The following RIMS2 variants were observed in gnomAD, a reference collection of about 807,000 sequenced individuals.
RIMS2 encodes regulating synaptic membrane exocytosis 2.
In RIMS2, 59 loss-of-function variants were observed where a neutral mutation model predicts 174.4. The ratio of observed to expected loss-of-function variants is 0.34; its 90% confidence interval spans 0.27 to 0.42. The LOEUF is 0.42. Ranked by LOEUF, RIMS2 falls within the 10% of genes least tolerant of loss-of-function variation. The probability of loss-of-function intolerance (pLI) is 1.00; values close to 1 mark genes in which losing one functional copy is unlikely to be tolerated. For synonymous variants in RIMS2, 606 were observed against 572.5 expected (o/e 1.06, Z -0.84); for missense variants, 1,620 against 1,666.3 (o/e 0.97, Z 0.48).
intron 19 of RIMS2, among the ~76,000 whole-genome samples, chr8:104,201,277 TG>T (rs1189495235): frequency 2.6e-5 from 4 of 152,210 alleles, no homozygotes; most frequent in Non-Finnish European, 5.9e-5. Context: ...TTATTCTTTT[TG>T]TGGGAAATTT....
At chr8:103,647,505 CT>C (rs1190815957) in intron 1 of RIMS2, among the ~76,000 whole-genome samples, 1 of 152,060 alleles carries the variant, frequency 6.6e-6, no homozygotes, top group African/African-American at 2.4e-5. Context: ...ATGGTACCAG[CT>C]TTTATTTGTA....
At chr8:104,225,727 A>C (rs183573134) in intron 19 of RIMS2, among the ~76,000 whole-genome samples, 3 of 152,212 alleles carry the variant, frequency 2.0e-5, no homozygotes, top group African/African-American at 7.2e-5. Context: ...ACAGATTTCT[A>C]TCCCATAATA....
At chr8:104,107,927 C>A (rs183054745) in intron 19 of RIMS2, among the ~76,000 whole-genome samples, 139 of 151,638 alleles carry the variant, frequency 9.2e-4, no homozygotes, top group African/African-American at 3.3e-3. Flanking sequence ...GATCCTGTCT[C>A]AATAAATAAT....
At chr8:103,736,933 A>T (rs1359709570) in intron 2 of RIMS2, among the ~76,000 whole-genome samples, 1 of 152,104 alleles carries the variant, frequency 6.6e-6, no homozygotes, top group Non-Finnish European at 1.5e-5. Context: ...CATCTATTTT[A>T]TCTGTAGTAT....
intron 19 of RIMS2, among the ~76,000 whole-genome samples, chr8:104,072,381 A>G (rs74307468): frequency 0.017 from 2,658 of 152,206 alleles, 135 homozygotes; most frequent in East Asian, 0.15. Context: ...CTACTGAGCT[A>G]TGTGTTTTAA....
At chr8:103,560,781 A>G (rs2091458019) in intron 1 of RIMS2, among the ~76,000 whole-genome samples, 1 of 152,224 alleles carries the variant, frequency 6.6e-6, no homozygotes, top group Admixed American at 6.5e-5. Context: ...CAAATCTCTT[A>G]ATCAAAAATG....
chr8:103,750,414 T>C (rs1306659460), intron 2 of RIMS2, among the ~76,000 whole-genome samples: 2 of 152,160 alleles, frequency 1.3e-5, no homozygotes, highest in East Asian at 1.9e-4. Flanking sequence ...ATGCTTAAAT[T>C]ACAAAATTAT....
chr8:103,573,109 G>A (rs2092955701), intron 1 of RIMS2, among the ~76,000 whole-genome samples: 2 of 152,020 alleles, frequency 1.3e-5, no homozygotes, highest in Non-Finnish European at 2.9e-5. Context: ...GTCCAGGCTG[G>A]ATGTGGTGGT....
intron 1 of RIMS2, among the ~76,000 whole-genome samples, chr8:103,641,342 C>T (rs2096225508): frequency 6.6e-6 from 1 of 152,036 alleles, no homozygotes; most frequent in Non-Finnish European, 1.5e-5. Flanking sequence ...TTGGGATGCT[C>T]ATCACCTTAA....
At chr8:103,916,723 A>C (rs1293510343) in intron 8 of RIMS2, among the ~76,000 whole-genome samples, 186 bp downstream of exon 11, 1 of 152,138 alleles carries the variant, frequency 6.6e-6, no homozygotes, top group East Asian at 1.9e-4. Flanking sequence ...GATCATATAG[A>C]TGGTAGAATA....
intron 3 of RIMS2, among the ~76,000 whole-genome samples, chr8:103,796,651 A>G (rs1342169258): frequency 2.0e-5 from 3 of 152,086 alleles, no homozygotes; most frequent in African/African-American, 7.2e-5. Context: ...CTAGAATTCT[A>G]TTCTAGCTAT....
chr8:103,574,473 T>C (rs2093063947), intron 1 of RIMS2, among the ~76,000 whole-genome samples: 1 of 152,186 alleles, frequency 6.6e-6, no homozygotes. Context: ...GTTGACTTGC[T>C]CTTATTTTTA....
rs369021322 is a variant in RIMS2 at position 103,583,664 on chromosome 8, GAAGA to G, written c.176+82608_176+82611del. Among the ~76,000 whole-genome samples, 653 of 152,234 alleles carry G rather than the reference GAAGA, an allele frequency of 4.3e-3. 4 individuals are homozygous for G. The highest frequency in any genetic ancestry group is 7.2e-3 in the Non-Finnish European group (488 of 68,008). On this transcript the variant is annotated intron_variant, in intron 1 of 23. Coordinates refer to ENST00000504942, the Ensembl canonical transcript of RIMS2. ...CTTTTATAGCAGAATTGATCCAGCAGAAGAAAGAATTAGTGACCTTCAAGACAGG... is the reference window on the plus strand; with the variant it reads ...CTTTTATAGCAGAATTGATCCAGCAGAAGAATTAGTGACCTTCAAGACAGG...
chr8:103,829,972 T>C (rs2098815650), intron 3 of RIMS2, among the ~76,000 whole-genome samples: 1 of 152,210 alleles, frequency 6.6e-6, no homozygotes, highest in South Asian at 2.1e-4. Context: ...TCTTTCTCAA[T>C]ATGGTCAGTT....
intron 1 of RIMS2, among the ~76,000 whole-genome samples, chr8:103,538,990 C>T (rs1195989771): frequency 6.6e-6 from 1 of 152,174 alleles, no homozygotes; most frequent in Non-Finnish European, 1.5e-5. Context: ...GTAGTATTCA[C>T]CTTTTATGCT....
chr8:103,659,118 A>G (rs2096565903), intron 1 of RIMS2, among the ~76,000 whole-genome samples: 1 of 152,160 alleles, frequency 6.6e-6, no homozygotes, highest in Non-Finnish European at 1.5e-5. Flanking sequence ...AATGATATAG[A>G]CAAAAGATTG....
chr8:104,134,327 T>A (rs922152478), intron 19 of RIMS2, among the ~76,000 whole-genome samples: 17 of 152,064 alleles, frequency 1.1e-4, no homozygotes, highest in African/African-American at 3.9e-4. Context: ...TAGCCGAGCA[T>A]GGTGTTGAGC....
chr8:104,078,193 T>C (rs1292546479), intron 19 of RIMS2, among the ~76,000 whole-genome samples: 2 of 152,032 alleles, frequency 1.3e-5, no homozygotes, highest in African/African-American at 2.4e-5. Context: ...TGGTAACTCA[T>C]TTTAATGAAA....
At chr8:104,241,872 G>A (rs1340353119) in intron 19 of RIMS2, among the ~76,000 whole-genome samples, 1 of 152,122 alleles carries the variant, frequency 6.6e-6, no homozygotes, top group Non-Finnish European at 1.5e-5. Flanking sequence ...TGATTCTCTA[G>A]CCTCAGCCTC....
Sources: gnomAD v4.1 joint callset for allele counts (sites outside exome capture counted in the v4.1 genomes callset) on GRCh38, gnomAD v4.1.1 for gene constraint, MANE v1.5 for transcripts, NCBI Gene and HGNC (gene_info 2026-07-23, HGNC 2026-07-21) for gene names.